PRKD1: variants seen among roughly 807,000 people sequenced by gnomAD.
PRKD1 encodes serine/threonine-protein kinase D1.
In PRKD1, 63 loss-of-function variants were observed where a neutral mutation model predicts 95.9. The ratio of observed to expected loss-of-function variants is 0.66; its 90% CI spans 0.54 to 0.81. The LOEUF (loss-of-function observed/expected upper bound fraction) is 0.81. PRKD1 is among the 30% of genes least tolerant of loss of function. The pLI is 0.00. For missense variants in PRKD1, 1,048 were observed against 1,165.3 expected (o/e 0.90, Z 1.47); for synonymous variants, 425 against 423.1 (o/e 1.00, Z -0.05).
At chr14:29,648,929 C>T (rs900722481) in intron 4 of PRKD1, among the ~76,000 whole-genome samples, 2 of 152,206 alleles carry the variant, frequency 1.3e-5, no homozygotes, top group Non-Finnish European at 2.9e-5. Context: ...GCTGGGATTA[C>T]AGGCGTGAGC....
At chr14:29,770,498 G>A (rs552019344) in intron 1 of PRKD1, among the ~76,000 whole-genome samples, 14 of 152,264 alleles carry the variant, frequency 9.2e-5, no homozygotes, top group South Asian at 4.1e-4. Flanking sequence ...AAATACAGAC[G>A]GTAAAGCCCA....
chr14:29,741,215 A>T (rs1156842115), intron 1 of PRKD1, among the ~76,000 whole-genome samples: 2 of 152,180 alleles, frequency 1.3e-5, no homozygotes, highest in African/African-American at 2.4e-5. Context: ...TTCATAACAC[A>T]AGTTTACCTA....
rs146703706 is a variant in PRKD1, at chr14:29,616,192, G to T, written c.1905+7960C>A. On this transcript the variant is annotated intron_variant, in intron 13 of 17. Transcript: ENST00000331968. ...TCTTGTAAGTACAGGGATGAAGTGA[G>T]AAGAGAGATTTAAAAAGGAACAAGT... 1.4e-3 allele frequency among the ~76,000 whole-genome samples: 161 copies of T among 117,506 alleles called. 1 individual carries two copies. Among genetic ancestry groups the T allele is most frequent in the African/African-American group, 4.6e-3 (140 of 30,204 alleles). 77.1% of individuals were successfully genotyped at this position (117,506 alleles called of 152,430 possible). A position where few individuals can be genotyped will look rare whatever the true frequency, so the allele number is the denominator to read the frequency against.
intron 13 of PRKD1, 47 bp downstream of exon 13, chr14:29,624,105 A>G: frequency 7.4e-7 from 1 of 1,355,408 alleles, no homozygotes; most frequent in Non-Finnish European, 1.0e-6. Flanking sequence ...GAAGTAAAGG[A>G]TGAGGGATTT....
rs146784361 is a variant in PRKD1, at chr14:29,806,106, A to T, written c.265-80432T>A. On this transcript the variant is annotated intron_variant, in intron 1 of 17. Transcript: ENST00000331968. ...GAGAGGAAAGCAAGGCAAGAAGCGGATCTCATCAACCACTGGAGGACACAA... is the reference window on the plus strand; with the variant it reads ...GAGAGGAAAGCAAGGCAAGAAGCGGTTCTCATCAACCACTGGAGGACACAA... Among the ~76,000 whole-genome samples, 7 of 152,308 alleles carry T rather than the reference A, an allele frequency of 4.6e-5. No homozygotes were observed. The East Asian group carries it at 1.3e-3, about 29-fold the overall frequency.
In PRKD1 at chr14:29,629,025, G is replaced by C. The variant is rs1433255218; in HGVS notation, c.1725+16C>G. 3.3e-6 allele frequency: 5 copies of C among 1,519,522 alleles called. No individual in the cohort carries two copies. The highest frequency in any genetic ancestry group is 4.5e-6 in the Non-Finnish European group (5 of 1,120,478). The allele number at this position is 1,519,522 out of a possible 1,614,324, so 94.1% of individuals were successfully genotyped here. A position where few individuals can be genotyped will look rare whatever the true frequency, so the allele number is the denominator to read the frequency against. ...AATCACATTAGCAAGTTTTATATTA[G>C]TAGGTACATACTTACCACATTTTCT... On this transcript the variant is annotated intron_variant, in intron 11 of 17. Transcript: ENST00000331968.
intron 1 of PRKD1, among the ~76,000 whole-genome samples, chr14:29,781,270 C>G (rs1889031913): frequency 1.3e-5 from 2 of 152,030 alleles, no homozygotes; most frequent in South Asian, 2.1e-4. Flanking sequence ...CACATGTACC[C>G]TAGAACATAA....
chr14:29,653,557 C>A (rs1881645280), intron 4 of PRKD1, among the ~76,000 whole-genome samples: 1 of 152,038 alleles, frequency 6.6e-6, no homozygotes, highest in Non-Finnish European at 1.5e-5. Context: ...CATTTTCCAC[C>A]TTGACTTCAG....
intron 1 of PRKD1, among the ~76,000 whole-genome samples, chr14:29,795,942 T>C (rs560576385): frequency 6.6e-6 from 1 of 152,252 alleles, no homozygotes; most frequent in Admixed American, 6.5e-5. Context: ...TTTACTAAGA[T>C]CACTTTAAAT....
rs140248240 is a variant in PRKD1, at chr14:29,766,790, T to C, written c.265-41116A>G. Among the ~76,000 whole-genome samples, 727 of 152,304 alleles carry C rather than the reference T, an allele frequency of 4.8e-3. 2 individuals are homozygous for C. The highest frequency in any genetic ancestry group is 8.2e-3 in the Non-Finnish European group (561 of 68,022). On this transcript the variant is annotated intron_variant, in intron 1 of 17. Transcript: ENST00000331968. ...AGCATTAATTCAGAATTTAAGATTA[T>C]AGCTATTTGGGGGACAGAGGAACAA...
intron 1 of PRKD1, among the ~76,000 whole-genome samples, chr14:29,743,275 A>G (rs903314418): frequency 3.9e-5 from 6 of 152,198 alleles, no homozygotes; most frequent in African/African-American, 1.4e-4. Context: ...GGAGCGCAGA[A>G]GAGGCTAGCT....
intron 3 of PRKD1, 134 bp downstream of exon 3, chr14:29,665,943 G>A (rs1882473966): frequency 1.1e-6 from 1 of 917,428 alleles, no homozygotes; most frequent in Non-Finnish European, 1.6e-6. Context: ...ATGTATATAT[G>A]TACCACATTT....
At chr14:29,697,966 G>A (rs1429110589) in intron 2 of PRKD1, among the ~76,000 whole-genome samples, 2 of 152,058 alleles carry the variant, frequency 1.3e-5, no homozygotes, top group Admixed American at 6.6e-5. Context: ...AGTAACTTGA[G>A]GTCAAAATTC....
chr14:29,628,746 C>G (rs530875980), intron 11 of PRKD1, among the ~76,000 whole-genome samples: 1 of 151,960 alleles, frequency 6.6e-6, no homozygotes, highest in Admixed American at 6.6e-5. Context: ...TGTGTAATAT[C>G]AACCATTAAA....
At chr14:29,676,124 A>T (rs535825480) in intron 2 of PRKD1, among the ~76,000 whole-genome samples, 7 of 150,194 alleles carry the variant, frequency 4.7e-5, no homozygotes, top group South Asian at 2.1e-4. Context: ...ATAATAAAAA[A>T]TTTTTAAAAA....
chr14:29,576,762 C>G lies in PRKD1; in HGVS notation c.*476G>C, dbSNP rs548147647. 1.1e-5 allele frequency: 2 copies of G among 177,342 alleles called. No individual in the cohort carries two copies. The highest frequency in any genetic ancestry group is 2.5e-5 in the Non-Finnish European group (2 of 81,160). 11.0% of individuals were successfully genotyped at this position (177,342 alleles called of 1,614,324 possible). A position where few individuals can be genotyped will look rare whatever the true frequency, so the allele number is the denominator to read the frequency against. ...CATTTGTGTCTTAGGATTTTATTCC[C>G]TACCCTCCTCATTCATTTTTTTCCC... is the stretch of plus-strand genomic sequence containing the variant. On this transcript the variant is annotated 3_prime_UTR_variant, in exon 18 of 18. Coordinates refer to ENST00000331968, the MANE Select transcript of PRKD1 (RefSeq NM_002742.3).
intron 16 of PRKD1, among the ~76,000 whole-genome samples, chr14:29,587,976 C>T (rs1892993566): frequency 6.6e-6 from 1 of 152,140 alleles, no homozygotes; most frequent in Admixed American, 6.5e-5. Context: ...TTAAGCAGTT[C>T]ACTGGCTAGT....
At chr14:29,723,664 A>AGTGT (rs1206927919) in intron 2 of PRKD1, among the ~76,000 whole-genome samples, 142 of 98,410 alleles carry the variant, frequency 1.4e-3, no homozygotes, top group African/African-American at 3.0e-3. Context: ...AACATAATTG[A>AGTGT]GTGTGCGTGT....
chr14:29,880,189 A>G (rs917747302), intron 1 of PRKD1, among the ~76,000 whole-genome samples: 34 of 152,198 alleles, frequency 2.2e-4, no homozygotes, highest in African/African-American at 8.2e-4. Flanking sequence ...TCACTGGCCC[A>G]GGGGCCCAGG....
Sources: gnomAD v4.1 joint callset for allele counts (sites outside exome capture counted in the v4.1 genomes callset) on GRCh38, gnomAD v4.1.1 for gene constraint, MANE v1.5 for transcripts, NCBI Gene and HGNC (gene_info 2026-07-23, HGNC 2026-07-21) for gene names.